MCF2L2: variants seen among roughly 807,000 people sequenced by gnomAD.
MCF2L2 encodes the protein probable guanine nucleotide exchange factor MCF2L2.
In MCF2L2, 102 loss-of-function variants were observed where a neutral mutation model predicts 150.2. That is an observed-to-expected ratio of 0.68 (90% confidence interval 0.58 to 0.80). The LOEUF (loss-of-function observed/expected upper bound fraction) is 0.80. Among genes scored for constraint, MCF2L2 ranks in the 30% least tolerant of loss-of-function variants. The pLI is 0.00. For synonymous variants in MCF2L2, 465 were observed against 491.3 expected (o/e 0.95, Z 0.71); for missense variants, 1,256 against 1,372.8 (o/e 0.91, Z 1.34).
chr3:183,317,279 G>A (rs145304269), intron 7 of MCF2L2, among the ~76,000 whole-genome samples: 6 of 152,220 alleles, frequency 3.9e-5, no homozygotes, highest in Non-Finnish European at 8.8e-5. Context: ...ATGAGGCCAA[G>A]ACACATACAC....
intron 2 of MCF2L2, among the ~76,000 whole-genome samples, chr3:183,388,093 A>G (rs1713938130): frequency 6.6e-6 from 1 of 152,160 alleles, no homozygotes; most frequent in Admixed American, 6.5e-5. Context: ...TTTTTTCTAT[A>G]TTGCCTCTAA....
At chr3:183,427,868 A>T in intron 1 of MCF2L2, 34 bp downstream of exon 1, 2 of 1,588,344 alleles carry the variant, frequency 1.3e-6, no homozygotes, top group South Asian at 1.1e-5. Context: ...ACCCGCCATT[A>T]ATAAAACGCA....
intron 2 of MCF2L2, among the ~76,000 whole-genome samples, chr3:183,384,364 T>C (rs530246050): frequency 1.1e-4 from 17 of 152,318 alleles, no homozygotes; most frequent in South Asian, 2.1e-4. Flanking sequence ...AGGACTAATA[T>C]TAGCCACAAG....
intron 3 of MCF2L2, among the ~76,000 whole-genome samples, chr3:183,347,034 C>G (rs1391408401): frequency 1.3e-5 from 2 of 152,176 alleles, no homozygotes; most frequent in African/African-American, 4.8e-5. Context: ...CATTGACTTT[C>G]TTCACAGAAT....
At chr3:183,396,192 T>A (rs1424215044) in intron 1 of MCF2L2, among the ~76,000 whole-genome samples, 1 of 151,950 alleles carries the variant, frequency 6.6e-6, no homozygotes. Flanking sequence ...ACTCCACAGC[T>A]CTTGGTTTAT....
chr3:183,260,398 C>T (rs1576983777), intron 15 of MCF2L2, among the ~76,000 whole-genome samples: 2 of 152,220 alleles, frequency 1.3e-5, no homozygotes, highest in South Asian at 4.1e-4. Flanking sequence ...GAGCAAGCAA[C>T]CGTGTCAGCC....
At chr3:183,387,450 C>T (rs1052892305) in intron 2 of MCF2L2, among the ~76,000 whole-genome samples, 1 of 152,130 alleles carries the variant, frequency 6.6e-6, no homozygotes, top group Non-Finnish European at 1.5e-5. Context: ...CTATTCCTGA[C>T]TCAATGGTGG....
intron 3 of MCF2L2, among the ~76,000 whole-genome samples, chr3:183,370,535 G>A (rs988821989): frequency 1.3e-5 from 2 of 152,214 alleles, no homozygotes; most frequent in African/African-American, 4.8e-5. Flanking sequence ...TTGAAATGTC[G>A]AAAGATGGAA....
intron 5 of MCF2L2, among the ~76,000 whole-genome samples, chr3:183,329,947 G>A (rs1730199018): frequency 6.6e-6 from 1 of 152,074 alleles, no homozygotes; most frequent in Admixed American, 6.6e-5. Context: ...TCTAAACACA[G>A]AAAAGGGGCC....
intron 15 of MCF2L2, chr3:183,254,565 T>C (rs1724856677): frequency 6.6e-6 from 1 of 152,040 alleles, no homozygotes; most frequent in Non-Finnish European, 1.5e-5. Flanking sequence ...CGGGTCCCCG[T>C]CCCTGAGGAG....
chr3:183,355,508 G>A (rs886262598), intron 3 of MCF2L2, among the ~76,000 whole-genome samples: 3 of 150,714 alleles, frequency 2.0e-5, no homozygotes, highest in East Asian at 3.9e-4. Context: ...GTGCCGTGGC[G>A]CGATCTCGGC....
intron 1 of MCF2L2, among the ~76,000 whole-genome samples, chr3:183,390,459 G>C (rs59903520): frequency 6.6e-6 from 1 of 152,094 alleles, no homozygotes; most frequent in Non-Finnish European, 1.5e-5. Flanking sequence ...TCTAACCCTA[G>C]AAAGTGACTT....
intron 10 of MCF2L2, among the ~76,000 whole-genome samples, chr3:183,302,123 C>G (rs1728881232): frequency 2.0e-5 from 3 of 152,142 alleles, no homozygotes; most frequent in Non-Finnish European, 4.4e-5. Context: ...GTTGTCACAA[C>G]CCACAGACGG....
chr3:183,231,012 A>C lies in MCF2L2; in HGVS notation c.1868T>G (p.Ile623Ser). The C allele has an allele frequency of 6.2e-7, 1 of 1,613,098 alleles. No individual in the cohort carries two copies. The highest frequency in any genetic ancestry group is 8.5e-7 in the Non-Finnish European group (1 of 1,179,290). The change falls in exon 16 of 30, where the codon ATT (isoleucine) becomes AGT (serine). Residue 623 changes from isoleucine to serine, a missense_variant. Coordinates refer to ENST00000328913, the MANE Select transcript of MCF2L2 (RefSeq NM_015078.4). ...RLGDLSPRRRIIRDLLETEEI... is the reference protein window; with the variant it reads ...RLGDLSPRRRSIRDLLETEEI... ...TTCAGTCTCAAGCAAGTCACGTATAATGCGCCTGAATCACAGCAGCAGGTG... is the reference window on the plus strand; with the variant it reads ...TTCAGTCTCAAGCAAGTCACGTATACTGCGCCTGAATCACAGCAGCAGGTG...
chr3:183,206,195 C>T lies in MCF2L2; in HGVS notation c.2732G>A (p.Arg911His), dbSNP rs781608777. The change falls in exon 24 of 30, where the codon CGC (arginine) becomes CAC (histidine). Residue 911 changes from arginine (R) to histidine (H), a missense_variant. Arg to His is a conservative substitution (Grantham distance 29, BLOSUM62 0). Coordinates refer to ENST00000328913, the MANE Select transcript of MCF2L2 (RefSeq NM_015078.4). The stretch of plus-strand genomic sequence containing the variant: ...TCTATGGCTCCCCCTTCCAAGCTGG[C>T]GAATTGAAAGTGTCATCAGCTATTA... ...KTMKLMTLSI[R>H]QLGRGSHRKF... 26 of 1,613,742 alleles carry T rather than the reference C, an allele frequency of 1.6e-5. No homozygotes were observed. The highest frequency in any genetic ancestry group is 1.6e-4 in the Middle Eastern group (1 of 6,082).
intron 3 of MCF2L2, among the ~76,000 whole-genome samples, chr3:183,347,327 T>C (rs1407364522): frequency 2.0e-5 from 3 of 152,154 alleles, no homozygotes; most frequent in African/African-American, 7.2e-5. Context: ...ATTTAATAAA[T>C]GGTGTTGGGA....
intron 5 of MCF2L2, among the ~76,000 whole-genome samples, chr3:183,333,244 G>T (rs983840454): frequency 1.3e-5 from 2 of 151,968 alleles, no homozygotes; most frequent in Admixed American, 6.6e-5. Flanking sequence ...ACAGGGTTTT[G>T]CCATGTTGGC....
intron 10 of MCF2L2, among the ~76,000 whole-genome samples, chr3:183,307,199 G>A (rs1370152218): frequency 1.3e-5 from 2 of 152,178 alleles, no homozygotes; most frequent in Admixed American, 6.5e-5. Flanking sequence ...GAGGGAGCTG[G>A]CCCCTTAGTG....
At chr3:183,368,305 T>C (rs1384768745) in intron 3 of MCF2L2, among the ~76,000 whole-genome samples, 1 of 152,194 alleles carries the variant, frequency 6.6e-6, no homozygotes, top group Non-Finnish European at 1.5e-5. Context: ...ACCACTAATC[T>C]AGACCACTGG....
Sources: allele counts gnomAD v4.1 joint callset (sites outside exome capture counted in the v4.1 genomes callset), GRCh38; gene constraint gnomAD v4.1.1; transcripts MANE v1.5; gene names NCBI Gene and HGNC (gene_info 2026-07-23, HGNC 2026-07-21).